Variants in GRID2 observed in about 807,000 individuals in gnomAD.
The protein encoded by GRID2 is glutamate receptor ionotropic, delta-2.
GRID2 carries 33 observed loss-of-function variants against 114.8 expected under a neutral mutation model. The observed-to-expected ratio is 0.29, with a 90% CI of 0.22 to 0.38. The LOEUF (loss-of-function observed/expected upper bound fraction) is 0.38, where lower values mean the gene tolerates loss of function less well. GRID2 is among the 10% of genes least tolerant of loss of function. GRID2 has a pLI of 1.00. For missense variants in GRID2, 1,184 were observed against 1,257.7 expected (o/e 0.94, Z 0.89); for synonymous variants, 505 against 449.9 (o/e 1.12, Z -1.55).
intron 1 of GRID2, among the ~76,000 whole-genome samples, chr4:92,534,303 G>A (rs1325141448): frequency 6.6e-6 from 1 of 152,048 alleles, no homozygotes; most frequent in Admixed American, 6.6e-5. Context: ...AAAAGTGACT[G>A]GATGATATTT....
At chr4:93,758,241 A>G (rs972226845) in intron 14 of GRID2, among the ~76,000 whole-genome samples, 4 of 152,234 alleles carry the variant, frequency 2.6e-5, no homozygotes, top group Admixed American at 2.0e-4. Flanking sequence ...CTTCCCATCT[A>G]TGAAAATGTG....
chr4:93,725,401 G>A (rs1729775371), intron 14 of GRID2, among the ~76,000 whole-genome samples: 1 of 152,096 alleles, frequency 6.6e-6, no homozygotes, highest in Non-Finnish European at 1.5e-5. Context: ...CATTTGGGTT[G>A]GTTCCAAGTC....
chr4:92,676,168 C>CCG (rs1553915514), intron 2 of GRID2, among the ~76,000 whole-genome samples: 6 of 95,740 alleles, frequency 6.3e-5, no homozygotes, highest in African/African-American at 2.4e-4. Flanking sequence ...CCCCCCCCCC[C>CCG]CCTTTTTTTT....
intron 13 of GRID2, among the ~76,000 whole-genome samples, chr4:93,606,727 G>A (rs1021595816): frequency 3.9e-5 from 6 of 152,026 alleles, no homozygotes; most frequent in African/African-American, 1.4e-4. Context: ...GTGTGTCAAT[G>A]GCCCTCCTGG....
chr4:92,991,147 A>G (rs1179417207), intron 2 of GRID2, among the ~76,000 whole-genome samples: 1 of 152,210 alleles, frequency 6.6e-6, no homozygotes, highest in Non-Finnish European at 1.5e-5. Flanking sequence ...ATTAAGCATT[A>G]ACCCAAGTCA....
chr4:93,563,729 T>A (rs1445569649), intron 13 of GRID2, among the ~76,000 whole-genome samples: 1 of 151,998 alleles, frequency 6.6e-6, no homozygotes, highest in African/African-American at 2.4e-5. Context: ...TTTTATTTTA[T>A]CTTTTCAGTG....
intron 4 of GRID2, among the ~76,000 whole-genome samples, chr4:93,127,188 A>G (rs919451931): frequency 1.3e-5 from 2 of 152,204 alleles, no homozygotes; most frequent in Non-Finnish European, 2.9e-5. Context: ...CTTAGTGATC[A>G]CTTGCGAAGT....
chr4:92,354,459 C>T (rs1728221063), intron 1 of GRID2, among the ~76,000 whole-genome samples: 1 of 151,622 alleles, frequency 6.6e-6, no homozygotes, highest in South Asian at 2.1e-4. Context: ...TTATTTTTTT[C>T]CTGAGTATTA....
chr4:92,769,395 G>C (rs1355945812), intron 2 of GRID2, among the ~76,000 whole-genome samples: 1 of 152,144 alleles, frequency 6.6e-6, no homozygotes, highest in Admixed American at 6.5e-5. Flanking sequence ...CCAGGCACAT[G>C]GTACAAGCTG....
intron 1 of GRID2, among the ~76,000 whole-genome samples, chr4:92,394,360 A>C: frequency 6.6e-6 from 1 of 152,172 alleles, no homozygotes; most frequent in African/African-American, 2.4e-5. Flanking sequence ...AGGGCACCAT[A>C]ATTTTAATAA....
chr4:93,173,528 A>G (rs761017823), intron 4 of GRID2, among the ~76,000 whole-genome samples: 2 of 152,224 alleles, frequency 1.3e-5, no homozygotes, highest in Admixed American at 6.5e-5. Context: ...ATAAGCTTGG[A>G]ATTGATGATA....
At chr4:92,530,682 AC>A (rs1200255031) in intron 1 of GRID2, among the ~76,000 whole-genome samples, 1 of 151,056 alleles carries the variant, frequency 6.6e-6, no homozygotes, top group East Asian at 1.9e-4. Context: ...CGGGCAGATC[AC>A]GAAGTCAGGA....
intron 8 of GRID2, among the ~76,000 whole-genome samples, chr4:93,326,437 T>G (rs1757843403): frequency 6.6e-6 from 1 of 152,170 alleles, no homozygotes; most frequent in Non-Finnish European, 1.5e-5. Flanking sequence ...TTCTGCCTTC[T>G]ATACCTGGTA....
intron 2 of GRID2, among the ~76,000 whole-genome samples, chr4:93,063,998 A>ATG (rs1231391903): frequency 6.6e-6 from 1 of 150,530 alleles, no homozygotes; most frequent in Non-Finnish European, 1.5e-5. Flanking sequence ...AAATATATGT[A>ATG]TGTGTATATA....
chr4:92,526,205 A>G (rs1725033854), intron 1 of GRID2, among the ~76,000 whole-genome samples: 1 of 139,774 alleles, frequency 7.2e-6, no homozygotes, highest in South Asian at 2.5e-4. Context: ...AGAGAGAAAT[A>G]GAAGAAAATT....
intron 2 of GRID2, among the ~76,000 whole-genome samples, chr4:92,742,726 C>T (rs1389520908): frequency 1.3e-5 from 2 of 152,168 alleles, no homozygotes; most frequent in South Asian, 2.1e-4. Context: ...ACTGAATACT[C>T]AGCCACCTGA....
chr4:92,867,433 TC>T (rs1744951578), intron 2 of GRID2, among the ~76,000 whole-genome samples: 1 of 151,792 alleles, frequency 6.6e-6, no homozygotes, highest in Admixed American at 6.6e-5. Context: ...ATACCACAAT[TC>T]TAATCAGAGA....
chr4:93,441,786 C>A (rs1452113922), intron 10 of GRID2, among the ~76,000 whole-genome samples: 4 of 151,908 alleles, frequency 2.6e-5, no homozygotes, highest in Non-Finnish European at 4.4e-5. Flanking sequence ...TCTCAATGAT[C>A]CTGAGTTTTC....
At chr4:92,321,326 T>G (rs1303546162) in intron 1 of GRID2, among the ~76,000 whole-genome samples, 1 of 152,162 alleles carries the variant, frequency 6.6e-6, no homozygotes, top group Non-Finnish European at 1.5e-5. Context: ...CAAATACTGA[T>G]CTGCAGATGG....
Sources: gnomAD v4.1 joint callset for allele counts (sites outside exome capture counted in the v4.1 genomes callset) on GRCh38, gnomAD v4.1.1 for gene constraint, MANE v1.5 for transcripts, NCBI Gene and HGNC (gene_info 2026-07-23, HGNC 2026-07-21) for gene names.